Variants in BAIAP2L2 observed in about 807,000 individuals in gnomAD.
BAIAP2L2 encodes BAR/IMD domain containing adaptor protein 2 like 2.
A neutral mutation model predicts 60.4 loss-of-function variants in BAIAP2L2; 65 were observed. That is an observed-to-expected ratio of 1.08 (90% CI 0.88 to 1.32). The LOEUF (loss-of-function observed/expected upper bound fraction) is 1.32, where lower values mean the gene tolerates loss of function less well. BAIAP2L2 is among the 40% of genes most tolerant of loss of function. The pLI, the probability that BAIAP2L2 is intolerant of heterozygous loss-of-function variation, is 0.00. For missense variants in BAIAP2L2, 836 were observed against 741.2 expected, an observed-to-expected ratio of 1.13 and a Z score of -1.48; for synonymous variants, 344 against 301.7, an observed-to-expected ratio of 1.14 and a Z score of -1.45.
chr22:38,098,526 T>A (rs750044435), intron 4 of BAIAP2L2, 44 bp from the exon 5 acceptor site: 2 of 1,543,710 alleles, frequency 1.3e-6, no homozygotes, highest in Non-Finnish European at 1.8e-6. Flanking sequence ...CCCCCTACTG[T>A]TCCCAGGCCC....
intron 1 of BAIAP2L2, among the ~76,000 whole-genome samples, chr22:38,110,114 A>AGGGAGG (rs2086794635): frequency 1.6e-5 from 1 of 61,466 alleles, no homozygotes; most frequent in African/African-American, 9.1e-5. Context: ...AGAGGGAGAG[A>AGGGAGG]GAGAGGGAGA....
chr22:38,088,655 C>A, intron 10 of BAIAP2L2, 93 bp downstream of exon 10: 2 of 1,321,804 alleles, frequency 1.5e-6, no homozygotes, highest in South Asian at 1.5e-5. Flanking sequence ...CCGGGGGAGG[C>A]CAGGGAAACC....
intron 7 of BAIAP2L2, among the ~76,000 whole-genome samples, chr22:38,092,727 C>T (rs1436784779): frequency 6.6e-6 from 1 of 152,118 alleles, no homozygotes; most frequent in Non-Finnish European, 1.5e-5. Context: ...TTTGTCCTCT[C>T]TAAATTTCAT....
At chr22:38,110,358 G>T (rs2086817359) in intron 1 of BAIAP2L2, 117 bp downstream of exon 1, 1 of 1,100,668 alleles carries the variant, frequency 9.1e-7, no homozygotes, top group Non-Finnish European at 1.3e-6. Flanking sequence ...CCTGGCTCCA[G>T]GCTTCCCTTT....
chr22:38,089,467 C>G, intron 8 of BAIAP2L2, 55 bp downstream of exon 8: 1 of 1,060,018 alleles, frequency 9.4e-7, no homozygotes, highest in Non-Finnish European at 1.2e-6. Flanking sequence ...AGGCCCCGGG[C>G]CCCCGCGGGG....
At chr22:38,104,570 A>G (rs1362623508) in intron 4 of BAIAP2L2, among the ~76,000 whole-genome samples, 1 of 146,226 alleles carries the variant, frequency 6.8e-6, no homozygotes, top group Non-Finnish European at 1.5e-5. Context: ...ATCTCGGCTC[A>G]CTGCAAGCTC....
chr22:38,092,885 C>T (rs1261231219), intron 7 of BAIAP2L2, among the ~76,000 whole-genome samples: 3 of 151,960 alleles, frequency 2.0e-5, no homozygotes, highest in East Asian at 1.9e-4. Flanking sequence ...TTGCAGTGGC[C>T]GGGCGCGGTG....
At chr22:38,096,820 T>C (rs1192098559) in intron 7 of BAIAP2L2, among the ~76,000 whole-genome samples, 1 of 151,764 alleles carries the variant, frequency 6.6e-6, no homozygotes, top group Non-Finnish European at 1.5e-5. Flanking sequence ...ACAAACAATA[T>C]CACGAGTGAA....
At chr22:38,110,126 A>AGAGACAGAGAGAGAGAGAGGGAGGGAGG (rs1602043397) in intron 1 of BAIAP2L2, among the ~76,000 whole-genome samples, 1 of 88,558 alleles carries the variant, frequency 1.1e-5, no homozygotes, top group African/African-American at 1.1e-4. Context: ...AGAGGGAGAG[A>AGAGACAGAGAGAGAGAGAGGGAGGGAGG]GAGAGAGAGA....
rs2086455739 is a variant in BAIAP2L2, at chr22:38,097,180, T to C, written c.466-2A>G. ...TGCGTGCAGCCGGTTCACACTCTCCTGGGGGGGAACGGGAGTTCTGGCTGG... is the reference window on the plus strand; with the variant it reads ...TGCGTGCAGCCGGTTCACACTCTCCCGGGGGGGAACGGGAGTTCTGGCTGG... On this transcript the variant is annotated splice_acceptor_variant, in intron 6 of 13. Transcript: ENST00000381669. LOFTEE classifies it high-confidence loss of function. 6.2e-7 allele frequency: 1 copy of C among 1,611,886 alleles called. No individual in the cohort carries two copies. Among genetic ancestry groups the C allele is most frequent in the Non-Finnish European group, 8.5e-7 (1 of 1,178,718 alleles).
At chr22:38,088,546 C>A (rs781569265) in intron 10 of BAIAP2L2, among the ~76,000 whole-genome samples, 3 of 152,216 alleles carry the variant, frequency 2.0e-5, no homozygotes, top group Non-Finnish European at 2.9e-5. Flanking sequence ...GACCGTCATC[C>A]TGAACTTGGT....
chr22:38,108,467 G>A (rs1257342059), intron 2 of BAIAP2L2, 126 bp from the exon 3 acceptor site: 3 of 710,994 alleles, frequency 4.2e-6, no homozygotes, highest in South Asian at 1.9e-5. Context: ...GTGCCCCTGA[G>A]GAGGGTGTGA....
chr22:38,087,053 A>T, intron 11 of BAIAP2L2, 71 bp downstream of exon 11: 1 of 1,445,118 alleles, frequency 6.9e-7, no homozygotes, highest in African/African-American at 1.5e-5. Context: ...CACCTTGCAG[A>T]TCCTCTCCGC....
chr22:38,110,413 G>T, intron 1 of BAIAP2L2, 62 bp downstream of exon 1: 1 of 1,528,472 alleles, frequency 6.5e-7, no homozygotes, highest in East Asian at 2.3e-5. Context: ...CTCCAGAGCG[G>T]GCCTGATTTC....
chr22:38,092,890 G>A (rs549263696), intron 7 of BAIAP2L2, among the ~76,000 whole-genome samples: 10 of 152,190 alleles, frequency 6.6e-5, no homozygotes, highest in East Asian at 3.9e-4. Flanking sequence ...GTGGCCGGGC[G>A]CGGTGGCTCA....
intron 7 of BAIAP2L2, among the ~76,000 whole-genome samples, chr22:38,094,119 A>G (rs1432737049): frequency 2.0e-5 from 3 of 152,252 alleles, no homozygotes; most frequent in African/African-American, 7.2e-5. Context: ...GTATTGAGAC[A>G]GAAAGTAGAT....
intron 4 of BAIAP2L2, among the ~76,000 whole-genome samples, chr22:38,106,642 A>G (rs2086670496): frequency 6.6e-6 from 1 of 151,756 alleles, no homozygotes; most frequent in African/African-American, 2.4e-5. Context: ...TTGGAGGGAG[A>G]ACAATTAGTT....
At chr22:38,087,298 G>GAA (rs921077599) in intron 10 of BAIAP2L2, 34 bp from the exon 11 acceptor site, 1 of 1,582,498 alleles carries the variant, frequency 6.3e-7, no homozygotes, top group African/African-American at 1.4e-5. Context: ...ATGACCAAAA[G>GAA]AAGCCAGGCC....
At chr22:38,109,093 G>T (rs13055413) in intron 2 of BAIAP2L2, 40 bp downstream of exon 2, 1 of 1,544,352 alleles carries the variant, frequency 6.5e-7, no homozygotes, top group Non-Finnish European at 8.9e-7. Flanking sequence ...GAACAGCAGA[G>T]GCCCAGGGCT....
Sources: gnomAD v4.1 joint callset for allele counts (sites outside exome capture counted in the v4.1 genomes callset) on GRCh38, gnomAD v4.1.1 for gene constraint, MANE v1.5 for transcripts, NCBI Gene and HGNC (gene_info 2026-07-23, HGNC 2026-07-21) for gene names.